Variants in ERBIN observed in about 807,000 individuals in gnomAD.
The protein encoded by ERBIN is densin-180-like protein.
A neutral mutation model predicts 158.4 loss-of-function variants in ERBIN; 60 were observed. That is an observed-to-expected ratio of 0.38 (90% confidence interval 0.31 to 0.47). The LOEUF (loss-of-function observed/expected upper bound fraction) is 0.47, where lower values mean the gene tolerates loss of function less well. ERBIN is among the 20% of genes least tolerant of loss of function. The pLI is 0.99. For missense variants in ERBIN, 1,610 were observed against 1,648.0 expected (o/e 0.98, Z 0.40); for synonymous variants, 594 against 557.2 (o/e 1.07, Z -0.93).
intron 1 of ERBIN, among the ~76,000 whole-genome samples, chr5:65,975,208 A>G (rs1037996801): frequency 5.3e-5 from 8 of 152,046 alleles, no homozygotes; most frequent in African/African-American, 1.4e-4. Context: ...GGATTTCACT[A>G]TGTTGGCCAG....
intron 2 of ERBIN, among the ~76,000 whole-genome samples, chr5:65,992,198 G>A (rs1751941905): frequency 6.6e-6 from 1 of 152,116 alleles, no homozygotes. Context: ...TGCCCAGGCT[G>A]GAATGCAGTG....
intron 1 of ERBIN, among the ~76,000 whole-genome samples, chr5:65,934,730 T>G (rs1743875275): frequency 6.6e-6 from 1 of 152,214 alleles, no homozygotes; most frequent in Non-Finnish European, 1.5e-5. Flanking sequence ...TAACTAATAT[T>G]TTGCGGTAGG....
chr5:66,075,337 C>A (rs1045926350), intron 23 of ERBIN, 107 bp downstream of exon 23: 10 of 909,808 alleles, frequency 1.1e-5, no homozygotes, highest in Admixed American at 2.6e-5. Flanking sequence ...GTAGTTATTA[C>A]CATTTAAAGT....
chr5:66,026,335 C>T lies in ERBIN; in HGVS notation c.1054C>T (p.Leu352Phe), dbSNP rs866023448. 3.1e-6 allele frequency: 5 copies of T among 1,594,178 alleles called. No homozygotes were observed. The highest frequency in any genetic ancestry group is 3.5e-5 in the Admixed American group (2 of 56,392). ...GSWKNITVLF[L>F]HSNKLETLPE... ...CTGGAAAAATATAACTGTGCTGTTT[C>T]TCCATTCCAATAAACTTGAGACACT... The change falls in exon 13 of 26, where the codon CTC (leucine) becomes TTC (phenylalanine). Residue 352 changes from leucine to phenylalanine, a missense_variant. Leu to Phe is a conservative substitution (Grantham distance 22). This residue lies in a region of ERBIN where 596 missense variants were observed against 711.9 expected (regional missense o/e 0.84). Coordinates refer to ENST00000284037, the MANE Select transcript of ERBIN (RefSeq NM_001253697.2).
At chr5:66,047,371 CAA>C (rs1758551118) in intron 18 of ERBIN, among the ~76,000 whole-genome samples, 1 of 151,992 alleles carries the variant, frequency 6.6e-6, no homozygotes, top group Admixed American at 6.6e-5. Context: ...ATCCATTCTT[CAA>C]TTAATGGACA....
intron 16 of ERBIN, among the ~76,000 whole-genome samples, chr5:66,043,649 T>C (rs1758136268): frequency 6.6e-6 from 1 of 152,156 alleles, no homozygotes; most frequent in Non-Finnish European, 1.5e-5. Context: ...CATGTCACAG[T>C]GATAGGAGTA....
rs747510014 is a variant in ERBIN at position 66,054,094 on chromosome 5, G to T, written c.2776G>T (p.Val926Leu). 2.4e-5 allele frequency: 39 copies of T among 1,614,036 alleles called. No homozygotes were observed. Among genetic ancestry groups the T allele is most frequent in the African/African-American group, 5.3e-5 (4 of 74,912 alleles). ...ACTGTTGTATGATCAACCATTGCAG[G>T]TATTTACTGGTTCTTCCTCATCTTC... ...ATLLYDQPLQVFTGSSSSSDL... is the reference protein window; with the variant it reads ...ATLLYDQPLQLFTGSSSSSDL... Residue 926 changes from valine to leucine, a missense_variant, in exon 21 of 26, where the codon GTA (valine) becomes TTA (leucine). Physicochemically the swap from Val to Leu is conservative, Grantham distance 32 (BLOSUM62 1). Around this residue, in one of 2 missense-constraint regions of ERBIN, gnomAD observed 1,014 missense variants for 936.1 expected, o/e 1.08. Coordinates refer to ENST00000284037, the MANE Select transcript of ERBIN (RefSeq NM_001253697.2).
chr5:65,992,761 C>T lies in ERBIN; in HGVS notation c.43C>T (p.Arg15Cys), dbSNP rs917098104. The change falls in exon 3 of 26, where the codon CGC becomes TGC. Residue 15 changes from arginine (R) to cysteine (C), a missense_variant. Arg to Cys is a radical substitution (Grantham distance 180). Around this residue, in one of 2 missense-constraint regions of ERBIN, gnomAD observed 596 missense variants for 711.9 expected, o/e 0.84. Coordinates refer to ENST00000284037, the MANE Select transcript of ERBIN (RefSeq NM_001253697.2). ...RSLFVRLVPCRCLRGEEETVT... is the reference protein window; with the variant it reads ...RSLFVRLVPCCCLRGEEETVT... ...TTTGTTTGTGCGGTTGGTACCATGT[C>T]GCTGTCTACGAGGGGAAGAGGAGAC... The T allele has an allele frequency of 5.6e-6, 9 of 1,612,696 alleles. No homozygotes were observed. In the African/African-American group the frequency reaches 8.0e-5, roughly 14 times the overall value.
chr5:65,945,246 C>T (rs1745598988), intron 1 of ERBIN, among the ~76,000 whole-genome samples: 2 of 152,186 alleles, frequency 1.3e-5, no homozygotes, highest in African/African-American at 2.4e-5. Flanking sequence ...TTGTTTCAGC[C>T]AGCTGTCAGT....
rs1762396465 is a variant in ERBIN, at chr5:66,081,768, A to T, written c.*3238A>T. 1 of 151,994 alleles carries T rather than the reference A, an allele frequency of 6.6e-6. No individual in the cohort carries two copies. The highest frequency in any genetic ancestry group is 2.1e-4 in the South Asian group (1 of 4,830). The allele number at this position is 151,994 out of a possible 1,614,324, so 9.4% of individuals were successfully genotyped here. A position where few individuals can be genotyped will look rare whatever the true frequency, so the allele number is the denominator to read the frequency against. ...ATCTATTTGGAAGGGTATTTTTTTCACTCAGTCTGTTGCATTCTTACAGCC... is the reference window on the plus strand; with the variant it reads ...ATCTATTTGGAAGGGTATTTTTTTCTCTCAGTCTGTTGCATTCTTACAGCC... On this transcript the variant is annotated 3_prime_UTR_variant, in exon 26 of 26. Coordinates refer to ENST00000284037, the MANE Select transcript of ERBIN (RefSeq NM_001253697.2).
At position 65,932,963 on chromosome 5, in the gene ERBIN, T is replaced by A. The variant is rs370861442; in HGVS notation, c.-58+6157T>A. Reference sequence around the variant, plus strand: ...GCACCACCATGCCCGGCTAATGTTTTATTTTTTTTTGTAGAGATGGGTTCT... The same window carrying A: ...GCACCACCATGCCCGGCTAATGTTTAATTTTTTTTTGTAGAGATGGGTTCT... On this transcript the variant is annotated intron_variant, in intron 1 of 25. Transcript: ENST00000284037. Among the ~76,000 whole-genome samples the A allele has an allele frequency of 7.6e-3, 1,157 of 152,216 alleles. 7 individuals carry two copies. The highest frequency in any genetic ancestry group is 0.038 in the South Asian group (184 of 4,820).
chr5:66,008,882 C>T (rs1753896043), intron 4 of ERBIN, among the ~76,000 whole-genome samples: 1 of 152,114 alleles, frequency 6.6e-6, no homozygotes, highest in African/African-American at 2.4e-5. Context: ...TTTTCAAGGT[C>T]GGATCATTAC....
rs750406425 is a variant in ERBIN, at chr5:66,044,287, A to G, written c.1579A>G (p.Ile527Val). Residue 527 changes from isoleucine (I) to valine (V), a missense_variant, in exon 17 of 26, where the codon ATA becomes GTA. This residue lies in a region of ERBIN where 596 missense variants were observed against 711.9 expected (regional missense o/e 0.84). Transcript: ENST00000284037. ...GAAACCACATGAAGATCAACAAGAT[A>G]TAAATAAAGATGTGGGTGTGAAGGT... ...DLKPHEDQQD[I>V]NKDVGVKTSE... The G allele has an allele frequency of 5.0e-6, 8 of 1,598,014 alleles. No homozygotes were observed. The highest frequency in any genetic ancestry group is 4.6e-5 in the South Asian group (4 of 87,016).
intron 1 of ERBIN, among the ~76,000 whole-genome samples, chr5:65,942,756 G>A (rs948777249): frequency 6.6e-6 from 1 of 151,996 alleles, no homozygotes; most frequent in Non-Finnish European, 1.5e-5. Flanking sequence ...GAAACTCTGT[G>A]TCTACTAAAA....
intron 1 of ERBIN, among the ~76,000 whole-genome samples, chr5:65,988,212 GT>G (rs1191461611): frequency 7.1e-6 from 1 of 140,612 alleles, no homozygotes; most frequent in Non-Finnish European, 1.5e-5. Context: ...CTCTAAAAAA[GT>G]TTTTTTAAAA....
At chr5:66,039,767 A>G (rs973198458) in intron 15 of ERBIN, among the ~76,000 whole-genome samples, 1 of 151,920 alleles carries the variant, frequency 6.6e-6, no homozygotes, top group Non-Finnish European at 1.5e-5. Context: ...GAATTTAAAT[A>G]CATGGAAGAG....
chr5:66,068,877 A>G (rs990605031), intron 21 of ERBIN: 5 of 1,531,684 alleles, frequency 3.3e-6, no homozygotes, highest in Non-Finnish European at 3.5e-6. Context: ...CTTTATTCAG[A>G]GCATGCTGTC....
Position 66,053,784 on chromosome 5 carries a change from A to G in ERBIN, c.2466A>G (p.Val822=). The change falls in exon 21 of 26, where the codon GTA becomes GTG. Residue 822 remains valine, a synonymous_variant. Coordinates refer to ENST00000284037, the MANE Select transcript of ERBIN (RefSeq NM_001253697.2). The part of the protein sequence containing the change: ...KYPNLESVNK[V]NGHSEETSQS... ...CTAATTTGGAATCCGTAAATAAGGT[A>G]AATGGACATTCTGAGGAAACTTCCC... The G allele has an allele frequency of 3.7e-6, 6 of 1,613,930 alleles. No individual in the cohort carries two copies. Among genetic ancestry groups the G allele is most frequent in the Non-Finnish European group, 5.1e-6 (6 of 1,180,004 alleles).
intron 21 of ERBIN, among the ~76,000 whole-genome samples, chr5:66,061,991 T>G (rs1299612523): frequency 6.6e-6 from 1 of 152,250 alleles, no homozygotes; most frequent in Non-Finnish European, 1.5e-5. Flanking sequence ...TTCCTTCATT[T>G]CAACTTTGGT....
Sources: allele counts gnomAD v4.1 joint callset (sites outside exome capture counted in the v4.1 genomes callset), GRCh38; gene constraint gnomAD v4.1.1; regional missense constraint gnomAD v4.1.1; transcripts MANE v1.5; gene names NCBI Gene and HGNC (gene_info 2026-07-23, HGNC 2026-07-21).